LINC00632: variants seen among roughly 807,000 people sequenced by gnomAD.
The protein encoded by LINC00632 is long independently transcribed non-coding RNA 632.
intron 3 of LINC00632, among the ~76,000 whole-genome samples, chrX:140,754,056 G>A (rs920472491): frequency 2.7e-5 from 3 of 111,286 alleles, no homozygotes; most frequent in Admixed American, 1.9e-4. Flanking sequence ...TTACAAGCGC[G>A]GGCCACCGCG....
intron 2 of LINC00632, among the ~76,000 whole-genome samples, chrX:140,717,007 C>T (rs1017576609): frequency 2.4e-4 from 26 of 109,291 alleles, no homozygotes; most frequent in African/African-American, 6.7e-4. Flanking sequence ...TTTTTTGAGA[C>T]GGTGTCTCAC....
chrX:140,778,631 AAAAAG>A (rs1398723601), exon 5 of LINC00632, among the ~76,000 whole-genome samples: 3 of 110,050 alleles, frequency 2.7e-5, no homozygotes, highest in African/African-American at 9.9e-5. Flanking sequence ...AAAAAAAAAA[AAAAAG>A]AACTGTTTTG....
intron 2 of LINC00632, among the ~76,000 whole-genome samples, chrX:140,731,246 C>A (rs1039908824): frequency 8.9e-6 from 1 of 111,743 alleles, no homozygotes; most frequent in East Asian, 2.8e-4. Flanking sequence ...AACATGGATG[C>A]AATATTTACT....
intron 3 of LINC00632, among the ~76,000 whole-genome samples, chrX:140,738,472 G>T (rs2148387934): frequency 8.9e-6 from 1 of 112,303 alleles, no homozygotes; most frequent in Non-Finnish European, 1.9e-5. Flanking sequence ...TTGAATTTCT[G>T]CCAGATGCTT....
chrX:140,716,247 G>T (rs760794250), intron 2 of LINC00632: 1 of 111,724 alleles, frequency 9.0e-6, no homozygotes, highest in South Asian at 3.8e-4. Context: ...TACTAACTGG[G>T]TTTGAATCAA....
intron 2 of LINC00632, among the ~76,000 whole-genome samples, chrX:140,731,098 T>C (rs1441519584): frequency 1.8e-5 from 2 of 111,010 alleles, no homozygotes; most frequent in Non-Finnish European, 3.8e-5. Flanking sequence ...AGACGGAGTT[T>C]CATCATATTG....
At chrX:140,725,469 CAT>C (rs1930944483) in intron 2 of LINC00632, among the ~76,000 whole-genome samples, 3 of 107,725 alleles carry the variant, frequency 2.8e-5, no homozygotes, top group Non-Finnish European at 1.9e-5. Flanking sequence ...CGTACACACA[CAT>C]AGACACATTC....
chrX:140,750,170 T>C (rs938109271), intron 3 of LINC00632, among the ~76,000 whole-genome samples: 1 of 111,099 alleles, frequency 9.0e-6, no homozygotes, highest in Admixed American at 9.6e-5. Context: ...AAGCCAGACA[T>C]AGAAGATAAA....
rs143948461 is a variant in LINC00632, at chrX:140,783,739, C to T, written n.11758C>T. The T allele has an allele frequency of 4.4e-5, 53 of 1,209,135 alleles. No individual in the cohort carries two copies. Among genetic ancestry groups the T allele is most frequent in the East Asian group, 3.3e-4 (11 of 33,692 alleles). On this transcript the variant is annotated non_coding_transcript_exon_variant, in exon 5 of 5. Coordinates refer to ENST00000648200, the Ensembl canonical transcript of LINC00632. ...GGTCTTCCAGTCAATCCACATCTTCCGGAAAAAATCCAGGTCTTCCAGCCA... is the reference window on the plus strand; with the variant it reads ...GGTCTTCCAGTCAATCCACATCTTCTGGAAAAAATCCAGGTCTTCCAGCCA...
At chrX:140,726,418 C>T (rs770178110) in intron 2 of LINC00632, among the ~76,000 whole-genome samples, 2 of 111,450 alleles carry the variant, frequency 1.8e-5, no homozygotes, top group African/African-American at 6.5e-5. Context: ...ACCTCCCATA[C>T]TTATCACACA....
chrX:140,737,636 C>T (rs925461105), intron 3 of LINC00632, among the ~76,000 whole-genome samples: 12 of 111,846 alleles, frequency 1.1e-4, no homozygotes, highest in South Asian at 3.8e-4. Context: ...ATACAGCCTT[C>T]CCAGTCTCTG....
exon 5 of LINC00632, among the ~76,000 whole-genome samples, chrX:140,791,343 G>A (rs766747311): frequency 8.9e-6 from 1 of 111,926 alleles, no homozygotes; most frequent in Non-Finnish European, 1.9e-5. Context: ...GAATAAAACT[G>A]ATTTGGTAAT....
intron 3 of LINC00632, chrX:140,764,534 A>G (rs1297553052): frequency 8.9e-6 from 1 of 112,439 alleles, no homozygotes; most frequent in Non-Finnish European, 1.9e-5. Context: ...AATGCTGGAG[A>G]GGCCATCCGC....
intron 3 of LINC00632, among the ~76,000 whole-genome samples, chrX:140,768,345 A>G (rs774417149): frequency 1.9e-4 from 21 of 109,012 alleles, no homozygotes; most frequent in African/African-American, 5.3e-4. Context: ...TCAAGGGTAG[A>G]TCGAAGACCT....
intron 2 of LINC00632, among the ~76,000 whole-genome samples, chrX:140,733,667 G>A (rs1212505467): frequency 8.9e-6 from 1 of 112,076 alleles, no homozygotes; most frequent in East Asian, 2.8e-4. Flanking sequence ...TCATAGAGAT[G>A]TATTAATCAA....
At chrX:140,728,501 A>T (rs1334675192) in intron 2 of LINC00632, among the ~76,000 whole-genome samples, 1 of 109,750 alleles carries the variant, frequency 9.1e-6, no homozygotes, top group African/African-American at 3.3e-5. Flanking sequence ...GCACCACAGG[A>T]TCAAGACCTA....
chrX:140,753,446 T>TG (rs999731181), intron 3 of LINC00632, among the ~76,000 whole-genome samples: 1 of 111,390 alleles, frequency 9.0e-6, no homozygotes, highest in Non-Finnish European at 1.9e-5. Flanking sequence ...CATATACTTT[T>TG]GGGGGGTATG....
At chrX:140,718,540 C>T (rs184222739) in intron 2 of LINC00632, among the ~76,000 whole-genome samples, 1 of 109,090 alleles carries the variant, frequency 9.2e-6, no homozygotes, top group African/African-American at 3.3e-5. Flanking sequence ...AGCCTCCCGA[C>T]TAGCTGGGAT....
At position 140,739,459 on chromosome X, in the gene LINC00632, G is replaced by C. The variant is rs767161063; in HGVS notation, n.191+5495G>C. Among the ~76,000 whole-genome samples the C allele has an allele frequency of 2.0e-4, 22 of 110,782 alleles. No individual in the cohort carries two copies. The East Asian group carries it at 3.7e-3, about 19-fold the overall frequency. On this transcript the variant is annotated intron_variant and non_coding_transcript_variant, in intron 3 of 4. Coordinates refer to ENST00000648200, the Ensembl canonical transcript of LINC00632. Reference sequence around the variant, plus strand: ...TAGTCTCGAATTCCTGACCTCAGGTGATCTGCCTGCCTTGGCCTCCCAAAG... The same window carrying C: ...TAGTCTCGAATTCCTGACCTCAGGTCATCTGCCTGCCTTGGCCTCCCAAAG...
Sources: allele counts gnomAD v4.1 joint callset (sites outside exome capture counted in the v4.1 genomes callset), GRCh38; gene constraint gnomAD v4.1.1; transcripts MANE v1.5; gene names NCBI Gene and HGNC (gene_info 2026-07-23, HGNC 2026-07-21).